The following FRYL variants were observed in gnomAD, a reference collection of about 807,000 sequenced individuals.
FRYL encodes protein furry homolog-like.
In FRYL, 150 loss-of-function variants were observed where a neutral mutation model predicts 351.2. The observed-to-expected ratio is 0.43, with a 90% confidence interval of 0.37 to 0.49. FRYL has a LOEUF of 0.49. Among genes scored for constraint, FRYL ranks in the 20% least tolerant of loss-of-function variants. FRYL has a pLI of 0.00. For synonymous variants in FRYL, 1,153 were observed against 1,257.1 expected (o/e 0.92, Z 1.75); for missense variants, 3,036 against 3,619.3 (o/e 0.84, Z 4.13).
rs189217115 is a variant in FRYL at position 48,635,372 on chromosome 4, A to T, written c.-80-882T>A. On this transcript the variant is annotated intron_variant, in intron 3 of 63. Coordinates refer to ENST00000358350, the MANE Select transcript of FRYL (RefSeq NM_015030.2). Reference sequence around the variant, plus strand: ...GGTGAGATCATTGCAACTTGGGCTAAGAGGATGGCAACAGCACAGGAAAAA... The same window carrying T: ...GGTGAGATCATTGCAACTTGGGCTATGAGGATGGCAACAGCACAGGAAAAA... 1.4e-3 allele frequency among the ~76,000 whole-genome samples: 214 copies of T among 152,316 alleles called. 1 individual carries two copies. Among genetic ancestry groups the T allele is most frequent in the African/African-American group, 4.6e-3 (190 of 41,570 alleles).
At chr4:48,676,334 C>T (rs1197960616) in intron 3 of FRYL, among the ~76,000 whole-genome samples, 2 of 152,152 alleles carry the variant, frequency 1.3e-5, no homozygotes, top group African/African-American at 4.8e-5. Flanking sequence ...AGTGAGACCA[C>T]GAACCCACCA....
intron 2 of FRYL, among the ~76,000 whole-genome samples, chr4:48,705,288 T>TTA (rs570850794): frequency 2.5e-3 from 385 of 151,784 alleles, no homozygotes; most frequent in African/African-American, 9.0e-3. Context: ...TAATATACCA[T>TTA]TATATATATT....
intron 15 of FRYL, among the ~76,000 whole-genome samples, chr4:48,594,684 C>T (rs1744236427): frequency 1.3e-5 from 2 of 152,148 alleles, no homozygotes; most frequent in Admixed American, 1.3e-4. Flanking sequence ...TTTATTTCTT[C>T]ACTGTCAAAA....
At chr4:48,691,461 A>G (rs960591280) in intron 2 of FRYL, among the ~76,000 whole-genome samples, 1 of 152,208 alleles carries the variant, frequency 6.6e-6, no homozygotes, top group African/African-American at 2.4e-5. Flanking sequence ...GAAAAAAAAT[A>G]CATTTGGAAG....
chr4:48,587,346 AT>A (rs939339135), intron 18 of FRYL, among the ~76,000 whole-genome samples: 1 of 151,876 alleles, frequency 6.6e-6, no homozygotes, highest in African/African-American at 2.4e-5. Context: ...ATTTTACTAT[AT>A]TTTCTTCTAG....
chr4:48,668,005 C>T (rs746125125), intron 3 of FRYL, among the ~76,000 whole-genome samples: 2 of 152,130 alleles, frequency 1.3e-5, no homozygotes, highest in Non-Finnish European at 2.9e-5. Context: ...TCTGATGTTA[C>T]CAATATTCTT....
Position 48,554,695 on chromosome 4 carries a change from T to C in FRYL, c.4267-1312A>G, listed in dbSNP as rs73814793. Among the ~76,000 whole-genome samples, 464 of 152,316 alleles carry C rather than the reference T, an allele frequency of 3.0e-3. 1 individual carries two copies. The highest frequency in any genetic ancestry group is 0.011 in the African/African-American group (444 of 41,562). ...CTTCTAGGTATGGCTCTTTACTCCATCCAATGGGCACTACTTGCTAATTCT... is the reference window on the plus strand; with the variant it reads ...CTTCTAGGTATGGCTCTTTACTCCACCCAATGGGCACTACTTGCTAATTCT... On this transcript the variant is annotated intron_variant, in intron 35 of 63. Transcript: ENST00000358350.
intron 11 of FRYL, among the ~76,000 whole-genome samples, chr4:48,604,453 AC>A (rs1372406972): frequency 6.6e-6 from 1 of 152,146 alleles, no homozygotes; most frequent in African/African-American, 2.4e-5. Flanking sequence ...GATCGGGAAG[AC>A]CCTAATCCAC....
At chr4:48,544,680 TTA>T in intron 43 of FRYL, 101 bp downstream of exon 43, 6 of 891,568 alleles carry the variant, frequency 6.7e-6, no homozygotes, top group Non-Finnish European at 9.8e-6. Flanking sequence ...TCTAAAACTT[TTA>T]GAGGTATCAC....
At chr4:48,576,265 A>C in intron 23 of FRYL, 43 bp from the exon 24 acceptor site, 2 of 1,381,212 alleles carry the variant, frequency 1.4e-6, no homozygotes, top group Non-Finnish European at 1.9e-6. Flanking sequence ...GAATAACACA[A>C]CACGTTTTTA....
intron 51 of FRYL, 24 bp from the exon 52 acceptor site, chr4:48,528,069 A>G: frequency 6.4e-7 from 1 of 1,556,112 alleles, no homozygotes; most frequent in Non-Finnish European, 8.7e-7. Flanking sequence ...AAAAATTAAA[A>G]TGTTAGGACT....
chr4:48,696,223 C>T (rs1270835613), intron 2 of FRYL, among the ~76,000 whole-genome samples: 2 of 152,114 alleles, frequency 1.3e-5, no homozygotes, highest in Non-Finnish European at 2.9e-5. Context: ...AAGACACATG[C>T]ACACATATGT....
chr4:48,656,566 ATATATG>A (rs1759226177), intron 3 of FRYL, among the ~76,000 whole-genome samples: 1 of 125,066 alleles, frequency 8.0e-6, no homozygotes, highest in African/African-American at 3.0e-5. Context: ...TAATGTATAC[ATATATG>A]CATTATATAT....
chr4:48,640,825 A>G (rs1755174414), intron 3 of FRYL, among the ~76,000 whole-genome samples: 1 of 152,150 alleles, frequency 6.6e-6, no homozygotes, highest in African/African-American at 2.4e-5. Flanking sequence ...AAAGCCAAAG[A>G]AAAGAATAAC....
intron 3 of FRYL, among the ~76,000 whole-genome samples, chr4:48,663,774 CAAAAAAAAAA>C (rs71191251): frequency 2.9e-5 from 2 of 70,112 alleles, no homozygotes; most frequent in African/African-American, 9.9e-5. Flanking sequence ...GACTCCGTCT[CAAAAAAAAAA>C]AAAAAAAAAA....
At chr4:48,571,537 T>C (rs1157925693) in intron 26 of FRYL, among the ~76,000 whole-genome samples, 1 of 152,236 alleles carries the variant, frequency 6.6e-6, no homozygotes, top group East Asian at 1.9e-4. Context: ...CCTTCTACTA[T>C]AGGTCATTAT....
At chr4:48,722,312 C>T (rs1297995692) in intron 1 of FRYL, among the ~76,000 whole-genome samples, 2 of 152,172 alleles carry the variant, frequency 1.3e-5, no homozygotes, top group East Asian at 1.9e-4. Flanking sequence ...TACAGATTTC[C>T]TTCCTCTGCT....
chr4:48,670,841 A>C (rs752367646), intron 3 of FRYL, among the ~76,000 whole-genome samples: 21 of 152,086 alleles, frequency 1.4e-4, no homozygotes, highest in Non-Finnish European at 2.5e-4. Flanking sequence ...TTTATCCATT[A>C]ATCTGTTGGT....
chr4:48,750,401 C>T (rs1372556240), intron 1 of FRYL, among the ~76,000 whole-genome samples: 5 of 151,824 alleles, frequency 3.3e-5, no homozygotes, highest in Admixed American at 2.6e-4. Context: ...GTTGAGGCTG[C>T]AGTGAGTTGA....
Sources: gnomAD v4.1 joint callset for allele counts (sites outside exome capture counted in the v4.1 genomes callset) on GRCh38, gnomAD v4.1.1 for gene constraint, MANE v1.5 for transcripts, NCBI Gene and HGNC (gene_info 2026-07-23, HGNC 2026-07-21) for gene names.